BCAR3: variants seen among roughly 807,000 people sequenced by gnomAD.
BCAR3 encodes breast cancer anti-estrogen resistance protein 3.
A neutral mutation model predicts 80.1 loss-of-function variants in BCAR3; 37 were observed. The ratio of observed to expected loss-of-function variants is 0.46; its 90% CI spans 0.36 to 0.61. The LOEUF (loss-of-function observed/expected upper bound fraction) is 0.61, where lower values mean the gene tolerates loss of function less well. Among genes scored for constraint, BCAR3 ranks in the 20% least tolerant of loss-of-function variants. The probability of loss-of-function intolerance (pLI) is 0.00; values close to 1 mark genes in which losing one functional copy is unlikely to be tolerated. For missense variants in BCAR3, 978 were observed against 1,068.2 expected (o/e 0.92, Z 1.18); for synonymous variants, 389 against 418.9 (o/e 0.93, Z 0.87).
At chr1:93,576,359 C>G (rs1259047645) in intron 7 of BCAR3, among the ~76,000 whole-genome samples, 2 of 152,206 alleles carry the variant, frequency 1.3e-5, no homozygotes, top group Non-Finnish European at 2.9e-5. Flanking sequence ...GTGGGAGATG[C>G]TGACACTGCT....
At chr1:93,628,534 G>A (rs1445312927) in intron 3 of BCAR3, among the ~76,000 whole-genome samples, 1 of 152,142 alleles carries the variant, frequency 6.6e-6, no homozygotes, top group Non-Finnish European at 1.5e-5. Context: ...TTCCTCCATG[G>A]AAGAGGCGGA....
intron 7 of BCAR3, among the ~76,000 whole-genome samples, chr1:93,577,087 G>C (rs1673488707): frequency 6.6e-6 from 1 of 152,234 alleles, no homozygotes. Flanking sequence ...ACAGGAGTTT[G>C]AGGTTGCAGT....
At chr1:93,845,698 T>C (rs1471857918) in exon 2 of BCAR3, 1 of 152,004 alleles carries the variant, frequency 6.6e-6, no homozygotes, top group East Asian at 1.9e-4. Context: ...TCTTGAGGGA[T>C]GAGGTAATGT....
intron 3 of BCAR3, among the ~76,000 whole-genome samples, chr1:93,641,109 T>C (rs1379889160): frequency 6.6e-6 from 1 of 152,232 alleles, no homozygotes; most frequent in Non-Finnish European, 1.5e-5. Flanking sequence ...TTTAGGATTA[T>C]ACATTTTCTC....
rs111727949 is a variant in BCAR3 at position 93,583,213 on chromosome 1, CT to C, written c.1034-261del. On this transcript the variant is annotated intron_variant, in intron 6 of 11. Transcript: ENST00000260502. ...ATCCCGGGGACTGCTGACACCTGGG[CT>C]ACAAATGTTGTATGGTCATAGAAGG... 8.7e-4 allele frequency among the ~76,000 whole-genome samples: 133 copies of C among 152,256 alleles called. 1 individual carries two copies. Among genetic ancestry groups the C allele is most frequent in the African/African-American group, 3.1e-3 (129 of 41,544 alleles).
chr1:93,677,756 A>T (rs1438159492), intron 1 of BCAR3, among the ~76,000 whole-genome samples: 1 of 152,164 alleles, frequency 6.6e-6, no homozygotes, highest in African/African-American at 2.4e-5. Flanking sequence ...ACAGCACTGG[A>T]GCTGCTGCAT....
At chr1:93,698,546 A>G (rs1195581282) in intron 3 of BCAR3, among the ~76,000 whole-genome samples, 2 of 152,088 alleles carry the variant, frequency 1.3e-5, no homozygotes, top group Non-Finnish European at 2.9e-5. Flanking sequence ...ACTCACTCCA[A>G]GCCTACCCCA....
chr1:93,582,418 CT>C lies in BCAR3; in HGVS notation c.1568del (p.Lys523SerfsTer15). 6.2e-7 allele frequency: 1 copy of C among 1,614,158 alleles called. No individual in the cohort carries two copies. The highest frequency in any genetic ancestry group is 8.5e-7 in the Non-Finnish European group (1 of 1,180,026). ...GGGGCTTATTCTCAGGGGGAAGGAA[CT>C]TTGACTCAAACTCGTTGGGCCTGAA... ...SSFRPNEFESKFLPPENKPLE... is the reference protein window; with the variant it reads ...SSFRPNEFESXFLPPENKPLE... On this transcript the variant is annotated frameshift_variant, in exon 7 of 12. Transcript: ENST00000260502. LOFTEE classifies it high-confidence loss of function.
chr1:93,804,821 T>C (rs976513822), intron 2 of BCAR3, among the ~76,000 whole-genome samples: 2 of 152,248 alleles, frequency 1.3e-5, no homozygotes, highest in African/African-American at 2.4e-5. Context: ...ATTTGAGTTG[T>C]TTCCAGTCTT....
At chr1:93,744,062 A>C (rs972120752) in intron 2 of BCAR3, among the ~76,000 whole-genome samples, 1 of 152,098 alleles carries the variant, frequency 6.6e-6, no homozygotes, top group Non-Finnish European at 1.5e-5. Flanking sequence ...AATAGCCCCC[A>C]CCACCCACAC....
chr1:93,828,341 G>A (rs1363275855), intron 2 of BCAR3, among the ~76,000 whole-genome samples: 1 of 152,152 alleles, frequency 6.6e-6, no homozygotes, highest in African/African-American at 2.4e-5. Context: ...CCCAAGGCAA[G>A]TCATAGAAAC....
At chr1:93,642,922 C>A (rs1460383267) in intron 2 of BCAR3, among the ~76,000 whole-genome samples, 2 of 152,170 alleles carry the variant, frequency 1.3e-5, no homozygotes, top group Non-Finnish European at 2.9e-5. Context: ...TTCTGTGTGC[C>A]CAGTGTTTTT....
At chr1:93,590,405 C>G (rs773185321) in intron 4 of BCAR3, 2 of 152,136 alleles carry the variant, frequency 1.3e-5, no homozygotes, top group Non-Finnish European at 2.9e-5. Flanking sequence ...ATAATATTAC[C>G]TATAGAATGG....
Position 93,582,662 on chromosome 1 carries a change from C to A in BCAR3, c.1325G>T (p.Arg442Met). ...LNPAFATGCG[R>M]GAKLPSCAQG... ...GGCACATGAGGGTAGCTTTGCTCCC[C>A]TGCCGCAGCCTGTGGCAAACGCTGG... Residue 442 changes from arginine to methionine, a missense_variant, in exon 7 of 12, where the codon AGG becomes ATG. By Grantham distance (91) the Arg-to-Met change is moderately conservative. Transcript: ENST00000260502. 1 of 1,614,142 alleles carries A rather than the reference C, an allele frequency of 6.2e-7. No homozygotes were observed. Among genetic ancestry groups the A allele is most frequent in the Non-Finnish European group, 8.5e-7 (1 of 1,180,016 alleles).
intron 3 of BCAR3, among the ~76,000 whole-genome samples, chr1:93,703,305 G>A (rs1043922392): frequency 6.6e-6 from 1 of 152,240 alleles, no homozygotes; most frequent in Non-Finnish European, 1.5e-5. Context: ...GCCAGGCACA[G>A]TGGCTCACAC....
intron 2 of BCAR3, among the ~76,000 whole-genome samples, chr1:93,835,026 GT>G (rs1429009763): frequency 8.4e-6 from 1 of 118,836 alleles, no homozygotes; most frequent in Non-Finnish European, 1.7e-5. Flanking sequence ...CTATGTTATA[GT>G]ATCTTCCACA....
intron 3 of BCAR3, among the ~76,000 whole-genome samples, chr1:93,628,246 T>C (rs1675508333): frequency 6.6e-6 from 1 of 152,110 alleles, no homozygotes; most frequent in Non-Finnish European, 1.5e-5. Flanking sequence ...GTTACATTCC[T>C]AGAACCCCCT....
rs561180298 is a variant in BCAR3 at position 93,657,128 on chromosome 1, G to A, written c.318-14785C>T. Among the ~76,000 whole-genome samples the A allele has an allele frequency of 5.3e-5, 8 of 152,276 alleles. No individual in the cohort carries two copies. The South Asian group carries it at 1.7e-3, about 32-fold the overall frequency. Reference sequence around the variant, plus strand: ...TGGATTTATCTGAAAGCAGGTAATAGGAATTTGAATTCCCAACCAACATAA... The same window carrying A: ...TGGATTTATCTGAAAGCAGGTAATAAGAATTTGAATTCCCAACCAACATAA... On this transcript the variant is annotated intron_variant, in intron 2 of 11. Transcript: ENST00000260502.
chr1:93,569,922 C>G (rs1007012093), intron 9 of BCAR3, among the ~76,000 whole-genome samples: 3 of 152,204 alleles, frequency 2.0e-5, no homozygotes, highest in African/African-American at 7.2e-5. Context: ...CCTGTTGGCT[C>G]TGCTGTCAAA....
Sources: gnomAD v4.1 joint callset for allele counts (sites outside exome capture counted in the v4.1 genomes callset) on GRCh38, gnomAD v4.1.1 for gene constraint, MANE v1.5 for transcripts, NCBI Gene and HGNC (gene_info 2026-07-23, HGNC 2026-07-21) for gene names.